RBM6: variants seen among roughly 807,000 people sequenced by gnomAD.
The protein encoded by RBM6 is RNA-binding protein 6.
RBM6 carries 23 observed loss-of-function variants against 140.4 expected under a neutral mutation model. The ratio of observed to expected loss-of-function variants is 0.16; its 90% CI spans 0.12 to 0.23. RBM6 has a LOEUF of 0.23. Ranked by LOEUF, RBM6 falls within the 10% of genes least tolerant of loss-of-function variation. The pLI is 1.00. For missense variants in RBM6, 1,139 were observed against 1,386.7 expected (o/e 0.82, Z 2.84); for synonymous variants, 439 against 475.6 (o/e 0.92, Z 1.00).
chr3:50,057,755 C>A lies in RBM6; in HGVS notation c.1721C>A (p.Thr574Asn), dbSNP rs145928642. 2.0e-5 allele frequency: 32 copies of A among 1,611,298 alleles called. No homozygotes were observed. Among genetic ancestry groups the A allele is most frequent in the Non-Finnish European group, 2.7e-5 (32 of 1,179,382 alleles). The change falls in exon 9 of 21, where the codon ACC becomes AAC. Residue 574 changes from threonine to asparagine, a missense_variant. Thr to Asn is a moderately conservative substitution (Grantham distance 65). Transcript: ENST00000266022. ...ACAGAGGCCAAGCAAGAATTAATAA[C>A]CTACCCTCAGCCTCAGAAAACATCC... is the stretch of plus-strand genomic sequence containing the variant. ...EVTEAKQELITYPQPQKTSIP... is the reference protein window; with the variant it reads ...EVTEAKQELINYPQPQKTSIP...
At chr3:49,955,754 A>C (rs2083952075) in intron 1 of RBM6, among the ~76,000 whole-genome samples, 1 of 151,554 alleles carries the variant, frequency 6.6e-6, no homozygotes, top group African/African-American at 2.4e-5. Flanking sequence ...GAGACAGGAG[A>C]ATCTCTTGAA....
chr3:50,014,769 C>CA (rs2087028890), intron 6 of RBM6, among the ~76,000 whole-genome samples: 1 of 152,124 alleles, frequency 6.6e-6, no homozygotes, highest in African/African-American at 2.4e-5. Flanking sequence ...TGTTGGGAAT[C>CA]ACATTGGAAA....
At chr3:50,065,148 T>G (rs370340820) in intron 16 of RBM6, 22 bp downstream of exon 16, 461 of 1,560,354 alleles carry the variant, frequency 3.0e-4, no homozygotes, top group Non-Finnish European at 3.1e-4. Flanking sequence ...ATTGATCCCC[T>G]GGACCTAGGG....
At chr3:49,973,544 T>A (rs1428379534) in intron 4 of RBM6, among the ~76,000 whole-genome samples, 1 of 151,872 alleles carries the variant, frequency 6.6e-6, no homozygotes, top group Non-Finnish European at 1.5e-5. Context: ...CAGTATGATT[T>A]CAGAGCTTAA....
intron 18 of RBM6, among the ~76,000 whole-genome samples, chr3:50,069,943 C>T (rs1276371664): frequency 6.6e-6 from 1 of 152,168 alleles, no homozygotes; most frequent in Admixed American, 6.6e-5. Flanking sequence ...GACAGCGGAA[C>T]CAAGCGTGCC....
chr3:49,976,301 G>C (rs1361414335), intron 5 of RBM6, among the ~76,000 whole-genome samples: 3 of 152,068 alleles, frequency 2.0e-5, no homozygotes, highest in Non-Finnish European at 4.4e-5. Context: ...AACTTCTTCA[G>C]AATGCTTCTG....
At chr3:49,980,258 G>A (rs564852189) in intron 5 of RBM6, among the ~76,000 whole-genome samples, 3 of 151,928 alleles carry the variant, frequency 2.0e-5, no homozygotes, top group African/African-American at 7.2e-5. Flanking sequence ...GCCCACCTTG[G>A]CCTCCCAAAG....
chr3:50,064,965 C>G (rs943993305), intron 15 of RBM6, 66 bp from the exon 16 acceptor site: 3 of 1,401,530 alleles, frequency 2.1e-6, no homozygotes, highest in Non-Finnish European at 3.0e-6. Flanking sequence ...AGCCACCGCA[C>G]CCAGCCCAGC....
Position 50,072,484 on chromosome 3 carries a change from A to AATT in RBM6, c.3116+1933_3116+1935dup, listed in dbSNP as rs542504421. Among the ~76,000 whole-genome samples the AATT allele has an allele frequency of 2.6e-4, 39 of 152,170 alleles. No homozygotes were observed. The Middle Eastern group carries it at 0.014, about 53-fold the overall frequency. ...TGCATGAGCAGAAGGAAAGGGAGAT[A>AATT]ATTGACAGAGCAAGGCCCTTGAGGA... On this transcript the variant is annotated intron_variant, in intron 19 of 20. Transcript: ENST00000266022.
intron 6 of RBM6, among the ~76,000 whole-genome samples, chr3:50,003,189 G>T (rs1456420205): frequency 6.6e-6 from 1 of 151,560 alleles, no homozygotes; most frequent in East Asian, 1.9e-4. Flanking sequence ...GTGTTTGTAG[G>T]CCGGGCACTA....
chr3:50,059,992 A>G (rs1389429648), intron 11 of RBM6, among the ~76,000 whole-genome samples: 1 of 152,234 alleles, frequency 6.6e-6, no homozygotes, highest in South Asian at 2.1e-4. Flanking sequence ...TTGGGTCCCA[A>G]ATGGCCTGGC....
At chr3:50,052,316 C>T (rs1317731569) in intron 7 of RBM6, among the ~76,000 whole-genome samples, 4 of 152,196 alleles carry the variant, frequency 2.6e-5, no homozygotes, top group Admixed American at 6.5e-5. Context: ...CCAACTTCCT[C>T]GGCCTCCCAA....
chr3:50,043,881 CTT>C (rs35383235), intron 6 of RBM6, among the ~76,000 whole-genome samples: 282 of 134,174 alleles, frequency 2.1e-3, no homozygotes, highest in Middle Eastern at 4.3e-3. Context: ...CGTGCCCAGC[CTT>C]TTTTTTTTTT....
intron 1 of RBM6, among the ~76,000 whole-genome samples, chr3:49,945,881 C>CAAAAAAAAA (rs67271820): frequency 6.5e-5 from 4 of 61,918 alleles, no homozygotes; most frequent in Non-Finnish European, 1.2e-4. Flanking sequence ...GACTCCATCT[C>CAAAAAAAAA]AAAAAAAAAA....
chr3:50,006,564 T>A (rs2086587135), intron 6 of RBM6, among the ~76,000 whole-genome samples: 1 of 152,172 alleles, frequency 6.6e-6, no homozygotes, highest in Non-Finnish European at 1.5e-5. Context: ...ACAAGTGGCT[T>A]AACCTCTCTG....
intron 6 of RBM6, among the ~76,000 whole-genome samples, chr3:50,036,508 T>C (rs1196686677): frequency 1.3e-5 from 2 of 151,978 alleles, no homozygotes; most frequent in African/African-American, 4.8e-5. Flanking sequence ...CCTCACTCTA[T>C]ACATATCTGC....
intron 1 of RBM6, among the ~76,000 whole-genome samples, chr3:49,956,094 A>C (rs968426534): frequency 6.6e-6 from 1 of 151,484 alleles, no homozygotes; most frequent in Admixed American, 6.6e-5. Flanking sequence ...GCAGTGCCAC[A>C]ATCTCAGCTC....
At chr3:49,984,634 TC>T (rs2085474481) in intron 5 of RBM6, among the ~76,000 whole-genome samples, 1 of 52,952 alleles carries the variant, frequency 1.9e-5, no homozygotes, top group Non-Finnish European at 6.0e-5. Context: ...TCGCATCGCA[TC>T]GCATCGCATC....
chr3:50,023,010 G>A (rs1331087497), intron 6 of RBM6, among the ~76,000 whole-genome samples: 1 of 152,040 alleles, frequency 6.6e-6, no homozygotes, highest in Non-Finnish European at 1.5e-5. Context: ...GAGATGGAAG[G>A]ATAGCTTGAG....
Sources: allele counts gnomAD v4.1 joint callset (sites outside exome capture counted in the v4.1 genomes callset), GRCh38; gene constraint gnomAD v4.1.1; transcripts MANE v1.5; gene names NCBI Gene and HGNC (gene_info 2026-07-23, HGNC 2026-07-21).